Variants in SRPK2 observed in about 807,000 individuals in gnomAD.
SRPK2 encodes the protein SRSF protein kinase 2, also known as SFRS protein kinase 2.
A neutral mutation model predicts 90.8 loss-of-function variants in SRPK2; 21 were observed. The ratio of observed to expected loss-of-function variants is 0.23; its 90% confidence interval spans 0.16 to 0.33. The LOEUF (loss-of-function observed/expected upper bound fraction) is 0.33, where lower values mean the gene tolerates loss of function less well. Ranked by LOEUF, SRPK2 falls within the 10% of genes least tolerant of loss-of-function variation. The probability of loss-of-function intolerance (pLI) is 1.00; values close to 1 mark genes in which losing one functional copy is unlikely to be tolerated. For synonymous variants in SRPK2, 288 were observed against 311.1 expected (o/e 0.93, Z 0.78); for missense variants, 620 against 869.0 (o/e 0.71, Z 3.60).
chr7:105,152,023 CAAAAA>C (rs34579509), intron 7 of SRPK2, among the ~76,000 whole-genome samples: 2 of 108,302 alleles, frequency 1.8e-5, no homozygotes, highest in Admixed American at 9.5e-5. Context: ...GGTTCTGTCT[CAAAAA>C]AAAAAAAAAA....
At chr7:105,158,596 G>A (rs915963770) in intron 7 of SRPK2, among the ~76,000 whole-genome samples, 2 of 152,120 alleles carry the variant, frequency 1.3e-5, no homozygotes, top group Non-Finnish European at 2.9e-5. Flanking sequence ...TGGTGGTGTG[G>A]TCAGTCACTT....
At chr7:105,353,061 C>T (rs939486161) in intron 2 of SRPK2, among the ~76,000 whole-genome samples, 13 of 152,074 alleles carry the variant, frequency 8.5e-5, no homozygotes, top group Admixed American at 8.5e-4. Flanking sequence ...GTCATAAATC[C>T]CTTATTATCT....
intron 2 of SRPK2, among the ~76,000 whole-genome samples, chr7:105,235,654 C>A (rs1225214534): frequency 2.6e-5 from 4 of 151,944 alleles, no homozygotes; most frequent in Non-Finnish European, 5.9e-5. Flanking sequence ...TTCATATGAT[C>A]TATAAAAGGC....
intron 2 of SRPK2, among the ~76,000 whole-genome samples, chr7:105,262,884 A>G (rs75725291): frequency 6.6e-6 from 1 of 152,214 alleles, no homozygotes; most frequent in Non-Finnish European, 1.5e-5. Context: ...AATTGAAAAG[A>G]ACCTGGAGCA....
chr7:105,221,906 T>A (rs778012261), intron 2 of SRPK2, among the ~76,000 whole-genome samples: 19 of 152,226 alleles, frequency 1.2e-4, no homozygotes, highest in Non-Finnish European at 2.6e-4. Context: ...TATCCACAGA[T>A]AAACCAAAAT....
intron 2 of SRPK2, among the ~76,000 whole-genome samples, chr7:105,287,280 A>AAAG: frequency 7.3e-6 from 1 of 136,104 alleles, no homozygotes; most frequent in East Asian, 2.1e-4. Context: ...AAAAAAAAAA[A>AAAG]AAAAGAAGAA....
In SRPK2 at chr7:105,123,476, A is replaced by T. The variant is rs2299301; in HGVS notation, c.1915+2772T>A. On this transcript the variant is annotated intron_variant, in intron 15 of 15. Transcript: ENST00000393651. Reference sequence around the variant, plus strand: ...TTCAAAAGTGATACGGCATATCAACAGCTGTTTTAAATTTTGTTATCAGTT... The same window carrying T: ...TTCAAAAGTGATACGGCATATCAACTGCTGTTTTAAATTTTGTTATCAGTT... Among the ~76,000 whole-genome samples the T allele has an allele frequency of 4.1e-3, 621 of 152,348 alleles. 21 individuals carry two copies. The East Asian group carries it at 0.073, about 18-fold the overall frequency.
intron 15 of SRPK2, among the ~76,000 whole-genome samples, chr7:105,119,677 G>C (rs1218239637): frequency 6.6e-6 from 1 of 152,150 alleles, no homozygotes; most frequent in African/African-American, 2.4e-5. Flanking sequence ...CCTGTTGAAG[G>C]AAACACAGTC....
At chr7:105,185,480 T>G (rs756698467) in intron 3 of SRPK2, among the ~76,000 whole-genome samples, 3 of 152,246 alleles carry the variant, frequency 2.0e-5, no homozygotes, top group South Asian at 2.1e-4. Context: ...GTATATATTA[T>G]AGCACATATC....
chr7:105,133,028 A>T lies in SRPK2; in HGVS notation c.1620T>A (p.Ala540=). The change falls in exon 12 of 16, where the codon GCT becomes GCA. Residue 540 remains alanine, a synonymous_variant. Transcript: ENST00000393651. ...CCACCCAACAAGCATTTCCCAGGTCAGCAATTTTTACTCTAATTTTATCTG... is the reference window on the plus strand; with the variant it reads ...CCACCCAACAAGCATTTCCCAGGTCTGCAATTTTTACTCTAATTTTATCTG... ...RNADKIRVKI[A]DLGNACWVHK... 1 of 1,614,240 alleles carries T rather than the reference A, an allele frequency of 6.2e-7. No individual in the cohort carries two copies. Among genetic ancestry groups the T allele is most frequent in the Non-Finnish European group, 8.5e-7 (1 of 1,180,030 alleles).
chr7:105,266,395 T>C (rs1805079361), intron 2 of SRPK2, among the ~76,000 whole-genome samples: 1 of 152,168 alleles, frequency 6.6e-6, no homozygotes, highest in South Asian at 2.1e-4. Context: ...ATTTATATTT[T>C]GTATTTAGAG....
intron 2 of SRPK2, among the ~76,000 whole-genome samples, chr7:105,365,391 C>A (rs1818910831): frequency 6.8e-6 from 1 of 147,320 alleles, no homozygotes; most frequent in South Asian, 2.1e-4. Flanking sequence ...GAGGCTGAGG[C>A]AGGAGAATCG....
At chr7:105,355,701 A>G (rs778381725) in intron 2 of SRPK2, among the ~76,000 whole-genome samples, 3 of 152,056 alleles carry the variant, frequency 2.0e-5, no homozygotes, top group Non-Finnish European at 2.9e-5. Context: ...ACAAATAACT[A>G]AACGTCAAGC....
intron 3 of SRPK2, among the ~76,000 whole-genome samples, chr7:105,190,428 T>C (rs1794133417): frequency 6.6e-6 from 1 of 152,208 alleles, no homozygotes; most frequent in Non-Finnish European, 1.5e-5. Flanking sequence ...CGTGTTCCTT[T>C]TCCTCTTGCA....
intron 2 of SRPK2, among the ~76,000 whole-genome samples, chr7:105,335,263 T>C (rs1374315926): frequency 6.6e-6 from 1 of 152,212 alleles, no homozygotes; most frequent in Non-Finnish European, 1.5e-5. Flanking sequence ...TGACTGATTA[T>C]TTATAGCCAC....
At chr7:105,185,657 C>A (rs749928780) in intron 3 of SRPK2, among the ~76,000 whole-genome samples, 3 of 152,240 alleles carry the variant, frequency 2.0e-5, no homozygotes, top group Middle Eastern at 3.4e-3. Context: ...TAGAGACAAA[C>A]TGACTACAAA....
intron 2 of SRPK2, among the ~76,000 whole-genome samples, chr7:105,362,481 C>A (rs530236144): frequency 6.7e-6 from 1 of 148,608 alleles, no homozygotes; most frequent in Non-Finnish European, 1.5e-5. Context: ...CACGCCACTG[C>A]ACTCCAGCCT....
At chr7:105,177,888 G>A (rs187529185) in intron 3 of SRPK2, among the ~76,000 whole-genome samples, 1 of 152,080 alleles carries the variant, frequency 6.6e-6, no homozygotes, top group Non-Finnish European at 1.5e-5. Flanking sequence ...AGCCAGGTGG[G>A]CATAGTGGCG....
rs1285767056 is a variant in SRPK2, at chr7:105,252,391, A to C, written c.72-48606T>G. Among the ~76,000 whole-genome samples the C allele has an allele frequency of 7.2e-5, 11 of 152,220 alleles. 1 individual carries two copies. Among genetic ancestry groups the C allele is most frequent in the Non-Finnish European group, 1.6e-4 (11 of 68,036 alleles). On this transcript the variant is annotated intron_variant, in intron 2 of 15. Coordinates refer to ENST00000393651, the MANE Select transcript of SRPK2 (RefSeq NM_182692.3). ...TTCATTTAGGAACTAAAGAACAATAAAGGAAACAATCTTCATTTCTAAATT... is the reference window on the plus strand; with the variant it reads ...TTCATTTAGGAACTAAAGAACAATACAGGAAACAATCTTCATTTCTAAATT...
Sources: gnomAD v4.1 joint callset for allele counts (sites outside exome capture counted in the v4.1 genomes callset) on GRCh38, gnomAD v4.1.1 for gene constraint, MANE v1.5 for transcripts, NCBI Gene and HGNC (gene_info 2026-07-23, HGNC 2026-07-21) for gene names.